The following ADK variants were observed in gnomAD, a reference collection of about 807,000 sequenced individuals.
ADK encodes the protein adenosine kinase.
Under a neutral mutation model 44.7 loss-of-function variants are expected in ADK, and 24 were observed. The observed-to-expected ratio is 0.54, with a 90% CI of 0.39 to 0.76. The LOEUF (loss-of-function observed/expected upper bound fraction) is 0.76. ADK is among the 30% of genes least tolerant of loss of function. The pLI is 0.00. For synonymous variants in ADK, 128 were observed against 142.6 expected (o/e 0.90, Z 0.73); for missense variants, 321 against 425.1 (o/e 0.76, Z 2.15).
At chr10:74,669,546 A>G (rs1409091179) in intron 9 of ADK, among the ~76,000 whole-genome samples, 1 of 152,238 alleles carries the variant, frequency 6.6e-6, no homozygotes, top group Non-Finnish European at 1.5e-5. Flanking sequence ...CTGCCCATGC[A>G]TTCAGTTGTA....
chr10:74,211,424 C>T (rs1025160255), intron 2 of ADK, among the ~76,000 whole-genome samples: 10 of 152,168 alleles, frequency 6.6e-5, no homozygotes, highest in South Asian at 2.1e-4. Context: ...AATTTAAATA[C>T]ATTTAATATG....
chr10:74,180,854 T>C (rs1842530076), intron 1 of ADK, among the ~76,000 whole-genome samples: 2 of 152,210 alleles, frequency 1.3e-5, no homozygotes, highest in Non-Finnish European at 2.9e-5. Context: ...CCCAGCCCCA[T>C]TTCTCTTTTC....
In ADK at chr10:74,417,751, A is replaced by T. The variant is rs560315050; in HGVS notation, c.555+19172A>T. 5.3e-3 allele frequency among the ~76,000 whole-genome samples: 668 copies of T among 125,768 alleles called. 3 individuals are homozygous for T. The highest frequency in any genetic ancestry group is 7.1e-3 in the Non-Finnish European group (459 of 64,304). The allele number at this position is 125,768 out of a possible 152,430, so 82.5% of individuals were successfully genotyped here. A position where few individuals can be genotyped will look rare whatever the true frequency, so the allele number is the denominator to read the frequency against. On this transcript the variant is annotated intron_variant, in intron 6 of 10. Transcript: ENST00000539909. ...TGGAGAATCTCAGTAAATCTACTTTAAAAAAAAAAAAAGCAAAATATCTGT... is the reference window on the plus strand; with the variant it reads ...TGGAGAATCTCAGTAAATCTACTTTTAAAAAAAAAAAAGCAAAATATCTGT...
chr10:74,333,961 T>A (rs1841321600), intron 4 of ADK, among the ~76,000 whole-genome samples: 1 of 152,198 alleles, frequency 6.6e-6, no homozygotes, highest in Non-Finnish European at 1.5e-5. Context: ...CAAATAAATT[T>A]ATTTTTCAAA....
At chr10:74,264,634 G>A (rs769829419) in intron 3 of ADK, among the ~76,000 whole-genome samples, 3 of 152,204 alleles carry the variant, frequency 2.0e-5, no homozygotes, top group East Asian at 1.9e-4. Flanking sequence ...AAAATGAAAT[G>A]TAATCACATT....
chr10:74,164,847 G>C (rs7894143), intron 1 of ADK, among the ~76,000 whole-genome samples: 111,952 of 152,050 alleles, frequency 0.74, 41,935 homozygotes, highest in Middle Eastern at 0.85. Flanking sequence ...CAATAAACTC[G>C]ATTCCTGAGA....
At chr10:74,428,141 A>C (rs1310363758) in intron 6 of ADK, among the ~76,000 whole-genome samples, 1 of 152,008 alleles carries the variant, frequency 6.6e-6, no homozygotes, top group Non-Finnish European at 1.5e-5. Context: ...AGAGTAATCC[A>C]CTCATTAGGG....
intron 6 of ADK, among the ~76,000 whole-genome samples, chr10:74,499,008 A>T (rs973102519): frequency 2.0e-5 from 3 of 152,184 alleles, no homozygotes; most frequent in Non-Finnish European, 2.9e-5. Context: ...TGTTTACTTG[A>T]AAACAGTTTA....
chr10:74,296,194 A>G (rs1401740846), intron 3 of ADK, among the ~76,000 whole-genome samples: 1 of 151,822 alleles, frequency 6.6e-6, no homozygotes, highest in Non-Finnish European at 1.5e-5. Flanking sequence ...TTTTTTATGC[A>G]TGGCAAGAAG....
At chr10:74,217,696 G>A (rs1480525572) in intron 2 of ADK, among the ~76,000 whole-genome samples, 1 of 152,204 alleles carries the variant, frequency 6.6e-6, no homozygotes, top group African/African-American at 2.4e-5. Context: ...CGATCAGACA[G>A]CAGCATTCGC....
At chr10:74,424,787 T>C (rs1844732596) in intron 6 of ADK, among the ~76,000 whole-genome samples, 1 of 152,168 alleles carries the variant, frequency 6.6e-6, no homozygotes, top group African/African-American at 2.4e-5. Flanking sequence ...TCTTCAGCAG[T>C]GTCTCATATT....
intron 3 of ADK, among the ~76,000 whole-genome samples, chr10:74,253,024 A>G (rs972841565): frequency 6.6e-6 from 1 of 152,204 alleles, no homozygotes; most frequent in African/African-American, 2.4e-5. Flanking sequence ...ATTACTGTCC[A>G]CTGTGTCTAC....
At chr10:74,501,490 C>T (rs1371472670) in intron 6 of ADK, among the ~76,000 whole-genome samples, 1 of 152,170 alleles carries the variant, frequency 6.6e-6, no homozygotes, top group Non-Finnish European at 1.5e-5. Context: ...ATAAAAGGGA[C>T]TCCCTATTCA....
intron 1 of ADK, among the ~76,000 whole-genome samples, chr10:74,167,712 T>G (rs1040959581): frequency 6.6e-6 from 1 of 152,180 alleles, no homozygotes; most frequent in African/African-American, 2.4e-5. Flanking sequence ...TATACACTAT[T>G]GGTCAGAGGA....
chr10:74,269,335 A>G (rs748151230), intron 3 of ADK, among the ~76,000 whole-genome samples: 8 of 152,228 alleles, frequency 5.3e-5, no homozygotes, highest in Non-Finnish European at 8.8e-5. Context: ...TTTCCTTATA[A>G]TATAGTGATA....
chr10:74,383,737 T>C (rs1023804308), intron 4 of ADK, among the ~76,000 whole-genome samples: 2 of 146,288 alleles, frequency 1.4e-5, no homozygotes, highest in African/African-American at 5.0e-5. Flanking sequence ...GAACTAAGAG[T>C]AGTAAACTGA....
At chr10:74,238,841 C>T (rs1302565847) in intron 3 of ADK, among the ~76,000 whole-genome samples, 1 of 144,850 alleles carries the variant, frequency 6.9e-6, no homozygotes, top group Non-Finnish European at 1.5e-5. Flanking sequence ...TTGAAAACTG[C>T]CACTTTAGCT....
intron 4 of ADK, among the ~76,000 whole-genome samples, chr10:74,377,532 A>G (rs1842852558): frequency 6.6e-6 from 1 of 152,202 alleles, no homozygotes. Context: ...TCTATACATC[A>G]AAGGTGAAAC....
intron 2 of ADK, among the ~76,000 whole-genome samples, chr10:74,217,878 C>T (rs1445795342): frequency 6.6e-6 from 1 of 151,976 alleles, no homozygotes; most frequent in African/African-American, 2.4e-5. Context: ...CTGTACATCA[C>T]CATCATCAAA....
Sources: allele counts gnomAD v4.1 joint callset (sites outside exome capture counted in the v4.1 genomes callset), GRCh38; gene constraint gnomAD v4.1.1; transcripts MANE v1.5; gene names NCBI Gene and HGNC (gene_info 2026-07-23, HGNC 2026-07-21).